The following VKORC1L1 variants were observed in gnomAD, a reference collection of about 807,000 sequenced individuals.
VKORC1L1 encodes vitamin K epoxide reductase complex subunit 1L1.
Under a neutral mutation model 18.9 loss-of-function variants are expected in VKORC1L1, and 2 were observed. The observed-to-expected ratio is 0.11, with a 90% CI of 0.04 to 0.33. VKORC1L1 has a LOEUF of 0.33. Ranked by LOEUF, VKORC1L1 falls within the 10% of genes least tolerant of loss-of-function variation. The pLI, the probability that VKORC1L1 is intolerant of heterozygous loss-of-function variation, is 1.00. For missense variants in VKORC1L1, 123 were observed against 224.1 expected, an observed-to-expected ratio of 0.55 and a Z score of 2.88; for synonymous variants, 96 against 100.0, an observed-to-expected ratio of 0.96 and a Z score of 0.24.
At chr7:65,879,306 T>TTA (rs1218870417) in intron 1 of VKORC1L1, among the ~76,000 whole-genome samples, 2 of 152,156 alleles carry the variant, frequency 1.3e-5, no homozygotes, top group African/African-American at 4.8e-5. Context: ...TTCTTAACAT[T>TTA]ATCATTGTTT....
At chr7:65,935,180 C>T (rs771451289) in intron 1 of VKORC1L1, among the ~76,000 whole-genome samples, 294 of 152,122 alleles carry the variant, frequency 1.9e-3, no homozygotes, top group Non-Finnish European at 3.5e-3. Flanking sequence ...TGCCAGTCTG[C>T]TGGTAGTAAG....
At chr7:65,902,059 A>G (rs1223145216) in intron 1 of VKORC1L1, among the ~76,000 whole-genome samples, 2 of 152,226 alleles carry the variant, frequency 1.3e-5, no homozygotes, top group Non-Finnish European at 2.9e-5. Flanking sequence ...AACAAAGTCC[A>G]GCCCTATTTA....
chr7:65,895,385 G>A (rs1164492775), intron 1 of VKORC1L1, among the ~76,000 whole-genome samples: 3 of 145,994 alleles, frequency 2.1e-5, no homozygotes, highest in African/African-American at 7.6e-5. Context: ...CACTTTGGGA[G>A]GCTGAGGATC....
intron 1 of VKORC1L1, among the ~76,000 whole-genome samples, chr7:65,883,374 C>T (rs1788960718): frequency 6.6e-6 from 1 of 152,056 alleles, no homozygotes; most frequent in Non-Finnish European, 1.5e-5. Flanking sequence ...TCGTCTCGAA[C>T]TCCTGACCTC....
At chr7:65,904,940 A>G (rs1057080852) in intron 1 of VKORC1L1, among the ~76,000 whole-genome samples, 1 of 152,106 alleles carries the variant, frequency 6.6e-6, no homozygotes, top group African/African-American at 2.4e-5. Flanking sequence ...GTATGTATAT[A>G]TGTATGTTAT....
the VKORC1L1 span, among the ~76,000 whole-genome samples, chr7:65,867,437 T>C: frequency 6.6e-6 from 1 of 152,110 alleles, no homozygotes; most frequent in Non-Finnish European, 1.5e-5. Flanking sequence ...CCCCAAAACT[T>C]TGGGTGCTTA....
intron 1 of VKORC1L1, among the ~76,000 whole-genome samples, chr7:65,893,124 T>A (rs1352001391): frequency 6.6e-6 from 1 of 152,268 alleles, no homozygotes; most frequent in Non-Finnish European, 1.5e-5. Context: ...TATCCAACAG[T>A]GCCACTCTTC....
At chr7:65,878,304 G>A (rs1161883439) in intron 1 of VKORC1L1, among the ~76,000 whole-genome samples, 2 of 151,944 alleles carry the variant, frequency 1.3e-5, no homozygotes, top group African/African-American at 2.4e-5. Flanking sequence ...AAAATTAGCC[G>A]GGCATGGTGG....
the VKORC1L1 span, among the ~76,000 whole-genome samples, chr7:65,867,952 T>C: frequency 1.3e-5 from 2 of 152,214 alleles, no homozygotes; most frequent in African/African-American, 4.8e-5. Context: ...ATTCAAGTGA[T>C]TCTCCTGCCT....
At chr7:65,937,793 G>A (rs1789968207) in intron 1 of VKORC1L1, among the ~76,000 whole-genome samples, 1 of 152,172 alleles carries the variant, frequency 6.6e-6, no homozygotes, top group African/African-American at 2.4e-5. Flanking sequence ...AAAGTCTCTA[G>A]TATGAGAGAC....
At chr7:65,949,663 A>G (rs1781039815) in intron 2 of VKORC1L1, among the ~76,000 whole-genome samples, 1 of 151,950 alleles carries the variant, frequency 6.6e-6, no homozygotes, top group Non-Finnish European at 1.5e-5. Context: ...ACACACCTGT[A>G]GTCCCAGCTA....
chr7:65,933,149 T>A (rs1789886473), intron 1 of VKORC1L1, among the ~76,000 whole-genome samples: 1 of 151,170 alleles, frequency 6.6e-6, no homozygotes, highest in Non-Finnish European at 1.5e-5. Flanking sequence ...TCAGATCAGG[T>A]TGCTTGATGG....
upstream of VKORC1L1, among the ~76,000 whole-genome samples, chr7:65,872,458 G>A (rs1788738510): frequency 6.6e-6 from 1 of 151,790 alleles, no homozygotes. Context: ...GATTACAGGC[G>A]CCCACCACGA....
At chr7:65,866,910 G>A in the VKORC1L1 span, among the ~76,000 whole-genome samples, 1 of 152,168 alleles carries the variant, frequency 6.6e-6, no homozygotes, top group East Asian at 1.9e-4. Context: ...TAGAAGAAGA[G>A]CTGGGTGTGG....
rs1790351352 is a variant in VKORC1L1, at chr7:65,959,096, G to GAGTT, written c.*4797_*4800dup. The GAGTT allele has an allele frequency of 6.6e-6, 1 of 152,268 alleles. No homozygotes were observed. The highest frequency in any genetic ancestry group is 1.5e-5 in the Non-Finnish European group (1 of 68,150). The allele number at this position is 152,268 out of a possible 1,614,324, so 9.4% of individuals were successfully genotyped here. A position where few individuals can be genotyped will look rare whatever the true frequency, so the allele number is the denominator to read the frequency against. On this transcript the variant is annotated 3_prime_UTR_variant, in exon 3 of 3. Coordinates refer to ENST00000360768, the MANE Select transcript of VKORC1L1 (RefSeq NM_173517.6). ...AGGCGGGTGGATCACTTGAGGTCAG[G>GAGTT]AGTTCAAGACCAGCCTGGCCAACAT...
At chr7:65,899,092 G>A (rs1398744242) in intron 1 of VKORC1L1, among the ~76,000 whole-genome samples, 2 of 152,210 alleles carry the variant, frequency 1.3e-5, no homozygotes, top group Non-Finnish European at 2.9e-5. Flanking sequence ...GTTGAAGGCT[G>A]GCGTGTCTTA....
chr7:65,947,332 C>G (rs933448368), intron 1 of VKORC1L1, among the ~76,000 whole-genome samples: 1 of 151,460 alleles, frequency 6.6e-6, no homozygotes, highest in African/African-American at 2.4e-5. Flanking sequence ...CTTATTTATC[C>G]TTGCTTTGGG....
At chr7:65,872,323 C>CT (rs200307884), upstream of VKORC1L1, among the ~76,000 whole-genome samples, 18,634 of 147,714 alleles carry the variant, frequency 0.13, 1,283 homozygotes, top group Middle Eastern at 0.22. Context: ...GTAAATCTCT[C>CT]TTTTTTTTTT....
At chr7:65,884,498 A>G (rs957259502) in intron 1 of VKORC1L1, among the ~76,000 whole-genome samples, 4 of 152,260 alleles carry the variant, frequency 2.6e-5, no homozygotes, top group South Asian at 2.1e-4. Context: ...TTAGCTAGGC[A>G]TGGTAATTCA....
Sources: allele counts gnomAD v4.1 joint callset (sites outside exome capture counted in the v4.1 genomes callset), GRCh38; gene constraint gnomAD v4.1.1; transcripts MANE v1.5; gene names NCBI Gene and HGNC (gene_info 2026-07-23, HGNC 2026-07-21).